The following WWOX variants were observed in gnomAD, a reference collection of about 807,000 sequenced individuals.
The protein encoded by WWOX is WW domain containing oxidoreductase.
WWOX carries 69 observed loss-of-function variants against 46.2 expected under a neutral mutation model. That is an observed-to-expected ratio of 1.49 (90% CI 1.23 to 1.82). WWOX has a LOEUF of 1.82. WWOX is among the 40% of genes most tolerant of loss of function. The pLI, the probability that WWOX is intolerant of heterozygous loss-of-function variation, is 0.00. For synonymous variants in WWOX, 359 were observed against 202.6 expected (o/e 1.77, Z -6.56); for missense variants, 919 against 542.6 (o/e 1.69, Z -6.89).
intron 4 of WWOX, among the ~76,000 whole-genome samples, chr16:78,150,831 A>G (rs924650687): frequency 6.6e-6 from 1 of 152,166 alleles, no homozygotes; most frequent in Non-Finnish European, 1.5e-5. Context: ...CTAATTGTGA[A>G]TAATAAAAGA....
intron 8 of WWOX, among the ~76,000 whole-genome samples, chr16:78,950,446 G>A (rs1044575317): frequency 6.6e-6 from 1 of 151,932 alleles, no homozygotes; most frequent in African/African-American, 2.4e-5. Flanking sequence ...AAGATGTTGG[G>A]TTGGAAAGCT....
At position 78,158,361 on chromosome 16, in the gene WWOX, C is replaced by A. The variant is rs183776369; in HGVS notation, c.410-5822C>A. ...TTGACTACTTTGTTATTGTACTGTA[C>A]TCTATAGGGTCTTCCACCACAGATT... On this transcript the variant is annotated intron_variant, in intron 4 of 8. Transcript: ENST00000566780. Among the ~76,000 whole-genome samples, 855 of 152,234 alleles carry A rather than the reference C, an allele frequency of 5.6e-3. 2 individuals are homozygous for A. The highest frequency in any genetic ancestry group is 0.017 in the Middle Eastern group (5 of 294).
intron 8 of WWOX, among the ~76,000 whole-genome samples, chr16:78,467,963 C>CTGT (rs1180127049): frequency 6.6e-6 from 1 of 152,166 alleles, no homozygotes; most frequent in African/African-American, 2.4e-5. Flanking sequence ...TTTCTGACAT[C>CTGT]TGTTGACAAA....
At chr16:78,303,834 C>G (rs573467511) in intron 5 of WWOX, among the ~76,000 whole-genome samples, 15 of 152,268 alleles carry the variant, frequency 9.9e-5, no homozygotes, top group Admixed American at 5.2e-4. Flanking sequence ...TGTGAGCCAC[C>G]GTGCCCGGCC....
At chr16:79,120,833 A>G (rs940750091) in intron 8 of WWOX, among the ~76,000 whole-genome samples, 1 of 152,186 alleles carries the variant, frequency 6.6e-6, no homozygotes, top group Admixed American at 6.5e-5. Flanking sequence ...CAGTGGCATG[A>G]TCTTGGCTCA....
chr16:78,776,063 A>G (rs1393486819), intron 8 of WWOX, among the ~76,000 whole-genome samples: 1 of 152,246 alleles, frequency 6.6e-6, no homozygotes, highest in Admixed American at 6.5e-5. Context: ...GTATAACACC[A>G]TGGCTAGTTC....
chr16:78,627,350 A>C (rs928958714), intron 8 of WWOX, among the ~76,000 whole-genome samples: 1 of 152,188 alleles, frequency 6.6e-6, no homozygotes, highest in Non-Finnish European at 1.5e-5. Flanking sequence ...AGAAGACCTG[A>C]ATCCTAATTT....
chr16:78,715,497 T>A (rs752874179), intron 8 of WWOX, among the ~76,000 whole-genome samples: 1 of 151,832 alleles, frequency 6.6e-6, no homozygotes, highest in Non-Finnish European at 1.5e-5. Flanking sequence ...TTGTTTTTGT[T>A]TTTTAAGATG....
chr16:79,147,744 G>C (rs2050207418), intron 8 of WWOX, among the ~76,000 whole-genome samples: 1 of 152,262 alleles, frequency 6.6e-6, no homozygotes, highest in South Asian at 2.1e-4. Context: ...ACCAGCATTT[G>C]GTGGTGTTGC....
intron 8 of WWOX, among the ~76,000 whole-genome samples, chr16:78,545,756 A>G (rs2044014833): frequency 6.6e-6 from 1 of 152,116 alleles, no homozygotes; most frequent in African/African-American, 2.4e-5. Flanking sequence ...ATTCAAGACA[A>G]AGTTGCTGGC....
intron 5 of WWOX, among the ~76,000 whole-genome samples, chr16:78,238,388 C>T (rs2037513610): frequency 6.6e-6 from 1 of 152,060 alleles, no homozygotes; most frequent in Non-Finnish European, 1.5e-5. Flanking sequence ...AAGCCTCGAC[C>T]TCCCGGGCTC....
chr16:78,984,057 T>G (rs2046736638), intron 8 of WWOX, among the ~76,000 whole-genome samples: 1 of 151,876 alleles, frequency 6.6e-6, no homozygotes, highest in African/African-American at 2.4e-5. Context: ...TTTTTGTATT[T>G]TTAGTAGAGA....
chr16:78,414,350 C>T (rs2082749963), intron 6 of WWOX, among the ~76,000 whole-genome samples: 1 of 152,288 alleles, frequency 6.6e-6, no homozygotes, highest in South Asian at 2.1e-4. Context: ...GGGCAGATCA[C>T]TTGAGGTCAG....
intron 5 of WWOX, among the ~76,000 whole-genome samples, chr16:78,275,480 C>A (rs1230066380): frequency 2.0e-5 from 3 of 152,228 alleles, no homozygotes; most frequent in Non-Finnish European, 4.4e-5. Flanking sequence ...AACTGGCTTT[C>A]TGGAGGTATG....
intron 8 of WWOX, among the ~76,000 whole-genome samples, chr16:78,749,783 A>G (rs903352073): frequency 6.6e-6 from 1 of 152,196 alleles, no homozygotes; most frequent in Non-Finnish European, 1.5e-5. Context: ...CTGAAATGCA[A>G]CTGTACTTCC....
intron 8 of WWOX, among the ~76,000 whole-genome samples, chr16:78,572,256 C>G (rs530433648): frequency 6.6e-6 from 1 of 152,088 alleles, no homozygotes; most frequent in Non-Finnish European, 1.5e-5. Context: ...GATACCAGAA[C>G]GTGCATCAAC....
chr16:79,200,753 A>G (rs1468552407), intron 8 of WWOX, among the ~76,000 whole-genome samples: 1 of 152,250 alleles, frequency 6.6e-6, no homozygotes, highest in Non-Finnish European at 1.5e-5. Context: ...GAGATCTAGA[A>G]ATGGTGAAAG....
rs2082970012 is a variant in WWOX, at chr16:78,422,741, A to T, written c.606-2129A>T. Reference sequence around the variant, plus strand: ...CACACATATATATATACACACACATATATATACACATATATACACATATAT... The same window carrying T: ...CACACATATATATATACACACACATTTATATACACATATATACACATATAT... On this transcript the variant is annotated intron_variant, in intron 6 of 8. Coordinates refer to ENST00000566780, the MANE Select transcript of WWOX (RefSeq NM_016373.4). Among the ~76,000 whole-genome samples the T allele has an allele frequency of 2.7e-5, 3 of 109,222 alleles. 1 individual carries two copies. Among genetic ancestry groups the T allele is most frequent in the African/African-American group, 1.9e-4 (3 of 15,972 alleles). 71.7% of individuals were successfully genotyped at this position (109,222 alleles called of 152,430 possible).
At chr16:78,996,609 G>A (rs944078093) in intron 8 of WWOX, among the ~76,000 whole-genome samples, 22 of 152,050 alleles carry the variant, frequency 1.4e-4, no homozygotes, top group Non-Finnish European at 1.0e-4. Context: ...ACAGTATTTA[G>A]ATGAGAATTA....
Sources: gnomAD v4.1 joint callset for allele counts (sites outside exome capture counted in the v4.1 genomes callset) on GRCh38, gnomAD v4.1.1 for gene constraint, MANE v1.5 for transcripts, NCBI Gene and HGNC (gene_info 2026-07-23, HGNC 2026-07-21) for gene names.